The following ANTXR2 variants were observed in gnomAD, a reference collection of about 807,000 sequenced individuals.
ANTXR2 encodes the protein ANTXR cell adhesion molecule 2, also known as anthrax toxin receptor 2.
ANTXR2 carries 44 observed loss-of-function variants against 73.7 expected under a neutral mutation model. That is an observed-to-expected ratio of 0.60 (90% CI 0.47 to 0.77). ANTXR2 has a LOEUF of 0.77. Ranked by LOEUF, ANTXR2 falls within the 30% of genes least tolerant of loss-of-function variation. The probability of loss-of-function intolerance (pLI) is 0.00; values close to 1 mark genes in which losing one functional copy is unlikely to be tolerated. For synonymous variants in ANTXR2, 217 were observed against 205.9 expected (o/e 1.05, Z -0.46); for missense variants, 604 against 592.5 (o/e 1.02, Z -0.20).
At chr4:80,064,248 C>A (rs1278293450) in intron 3 of ANTXR2, among the ~76,000 whole-genome samples, 4 of 151,848 alleles carry the variant, frequency 2.6e-5, no homozygotes, top group Admixed American at 6.6e-5. Flanking sequence ...AGGCTGGGGG[C>A]AAGTGTAATG....
intron 11 of ANTXR2, among the ~76,000 whole-genome samples, chr4:80,013,293 T>C (rs186574642): frequency 4.6e-4 from 70 of 152,328 alleles, no homozygotes; most frequent in African/African-American, 1.6e-3. Flanking sequence ...GAAATAATTT[T>C]GGAGCACTTG....
chr4:80,017,126 C>G (rs1731911547), intron 11 of ANTXR2, among the ~76,000 whole-genome samples: 1 of 152,218 alleles, frequency 6.6e-6, no homozygotes, highest in African/African-American at 2.4e-5. Flanking sequence ...CTGACAATAA[C>G]TATACACCCT....
intron 3 of ANTXR2, among the ~76,000 whole-genome samples, chr4:80,057,007 T>C (rs1439777117): frequency 2.0e-5 from 3 of 151,966 alleles, no homozygotes; most frequent in Admixed American, 1.3e-4. Context: ...TCTTAAGATA[T>C]TGTTTTCAGA....
chr4:80,002,015 C>T (rs1269088439), intron 12 of ANTXR2, among the ~76,000 whole-genome samples: 1 of 152,048 alleles, frequency 6.6e-6, no homozygotes, highest in Non-Finnish European at 1.5e-5. Context: ...ATGCCATCCC[C>T]ATCAAGCTAC....
At chr4:79,919,527 T>C (rs1727483906) in intron 16 of ANTXR2, among the ~76,000 whole-genome samples, 1 of 152,062 alleles carries the variant, frequency 6.6e-6, no homozygotes, top group Non-Finnish European at 1.5e-5. Flanking sequence ...GCTACCAGCA[T>C]GGTCAGAGGT....
intron 2 of ANTXR2, among the ~76,000 whole-genome samples, chr4:80,070,856 T>C (rs542254181): frequency 6.6e-6 from 1 of 152,208 alleles, no homozygotes; most frequent in East Asian, 1.9e-4. Context: ...GTTTGCTCAT[T>C]GCATTTTTTC....
intron 16 of ANTXR2, among the ~76,000 whole-genome samples, chr4:79,916,819 A>T (rs1727372854): frequency 6.6e-6 from 1 of 152,170 alleles, no homozygotes; most frequent in African/African-American, 2.4e-5. Flanking sequence ...TAGTATACAC[A>T]CTATAGCATC....
At chr4:79,912,066 GAATAT>G (rs1727164738) in intron 16 of ANTXR2, among the ~76,000 whole-genome samples, 1 of 151,692 alleles carries the variant, frequency 6.6e-6, no homozygotes, top group Admixed American at 6.6e-5. Flanking sequence ...TTTGGTTTGG[GAATAT>G]AATACTCTTT....
intron 16 of ANTXR2, among the ~76,000 whole-genome samples, chr4:79,937,766 G>C (rs1560884960): frequency 6.6e-6 from 1 of 151,890 alleles, no homozygotes; most frequent in Non-Finnish European, 1.5e-5. Flanking sequence ...ACAGCTCCCA[G>C]CGTGAGCGAC....
At chr4:79,934,842 A>G (rs932709221) in intron 16 of ANTXR2, among the ~76,000 whole-genome samples, 5 of 122,416 alleles carry the variant, frequency 4.1e-5, no homozygotes, top group African/African-American at 1.1e-4. Flanking sequence ...TCAAGTTTCA[A>G]AAAAAAAAAA....
At chr4:79,978,955 C>T (rs1729766319) in intron 14 of ANTXR2, among the ~76,000 whole-genome samples, 1 of 152,048 alleles carries the variant, frequency 6.6e-6, no homozygotes, top group Admixed American at 6.6e-5. Context: ...CCTTTAGTTC[C>T]CAAGCTCATC....
intron 3 of ANTXR2, among the ~76,000 whole-genome samples, chr4:80,060,549 T>C (rs1463734229): frequency 2.6e-5 from 4 of 152,122 alleles, no homozygotes; most frequent in African/African-American, 9.7e-5. Context: ...AGAATAGAGA[T>C]TAGTTCCAAG....
intron 3 of ANTXR2, among the ~76,000 whole-genome samples, chr4:80,057,995 T>C (rs1288400350): frequency 6.6e-6 from 1 of 152,056 alleles, no homozygotes; most frequent in African/African-American, 2.4e-5. Flanking sequence ...CAGAAACAAC[T>C]TGAAACTGAT....
At chr4:80,044,949 TA>T in intron 7 of ANTXR2, among the ~76,000 whole-genome samples, 1 of 151,712 alleles carries the variant, frequency 6.6e-6, no homozygotes, top group South Asian at 2.1e-4. Flanking sequence ...GACTATAACA[TA>T]AAAAACAGAG....
intron 16 of ANTXR2, among the ~76,000 whole-genome samples, chr4:79,958,230 A>T (rs1728997782): frequency 6.6e-6 from 1 of 152,044 alleles, no homozygotes; most frequent in African/African-American, 2.4e-5. Context: ...ATTTTATTTG[A>T]ATTTATTGGT....
intron 3 of ANTXR2, among the ~76,000 whole-genome samples, chr4:80,060,613 G>A (rs1455354053): frequency 1.3e-5 from 2 of 151,954 alleles, no homozygotes; most frequent in African/African-American, 4.8e-5. Flanking sequence ...TCCCCCATGG[G>A]GCCACTGTAA....
chr4:80,070,135 C>T (rs1489526708), intron 2 of ANTXR2, among the ~76,000 whole-genome samples: 6 of 152,164 alleles, frequency 3.9e-5, no homozygotes, highest in East Asian at 3.8e-4. Flanking sequence ...TCTTGCTTCT[C>T]GGACACTCTC....
chr4:79,953,411 G>A (rs886817816), intron 16 of ANTXR2, among the ~76,000 whole-genome samples: 7 of 151,994 alleles, frequency 4.6e-5, no homozygotes, highest in African/African-American at 1.2e-4. Context: ...TAAATTTAAC[G>A]GAAGTCTAAA....
intron 3 of ANTXR2, among the ~76,000 whole-genome samples, chr4:80,061,343 A>G (rs1212996198): frequency 6.6e-6 from 1 of 151,844 alleles, no homozygotes; most frequent in Non-Finnish European, 1.5e-5. Flanking sequence ...CCAAAGAAAT[A>G]ATCTACCACT....
Sources: allele counts gnomAD v4.1 joint callset (sites outside exome capture counted in the v4.1 genomes callset), GRCh38; gene constraint gnomAD v4.1.1; transcripts MANE v1.5; gene names NCBI Gene and HGNC (gene_info 2026-07-23, HGNC 2026-07-21).